PPP1CB: variants seen among roughly 807,000 people sequenced by gnomAD.
PPP1CB encodes protein phosphatase 1 catalytic subunit beta.
PPP1CB carries 2 observed loss-of-function variants against 43.7 expected under a neutral mutation model. The observed-to-expected ratio is 0.05, with a 90% CI of 0.02 to 0.14. PPP1CB has a LOEUF of 0.14. Ranked by LOEUF, PPP1CB falls within the 10% of genes least tolerant of loss-of-function variation. The pLI, the probability that PPP1CB is intolerant of heterozygous loss-of-function variation, is 1.00. For synonymous variants in PPP1CB, 136 were observed against 135.6 expected (o/e 1.00, Z -0.02); for missense variants, 84 against 398.0 (o/e 0.21, Z 6.71).
chr2:28,798,490 G>A (rs1238087403), intron 7 of PPP1CB, among the ~76,000 whole-genome samples: 1 of 151,990 alleles, frequency 6.6e-6, no homozygotes, highest in Non-Finnish European at 1.5e-5. Context: ...TCCATACAAT[G>A]GACTGTACAA....
At chr2:28,773,993 G>A (rs186055284) in intron 1 of PPP1CB, among the ~76,000 whole-genome samples, 1 of 152,284 alleles carries the variant, frequency 6.6e-6, no homozygotes, top group East Asian at 1.9e-4. Context: ...AGGGAGAAAT[G>A]TGCATCCTAC....
chr2:28,755,433 G>A (rs948894969), intron 1 of PPP1CB, among the ~76,000 whole-genome samples: 3 of 152,154 alleles, frequency 2.0e-5, no homozygotes, highest in Non-Finnish European at 4.4e-5. Context: ...TATTTGGACG[G>A]TGCATATTCT....
intron 1 of PPP1CB, among the ~76,000 whole-genome samples, chr2:28,758,090 G>C (rs1666533856): frequency 6.7e-6 from 1 of 150,108 alleles, no homozygotes; most frequent in Admixed American, 6.7e-5. Context: ...CTGTCACCCG[G>C]TTGGAGTGCA....
chr2:28,801,192 T>C lies in PPP1CB; in HGVS notation c.*1889T>C, dbSNP rs551980428. ...TGTATTAGGTTAGGTCACAAAGGTT[T>C]TATCTGAGGTGATTTAAATAACTTC... On this transcript the variant is annotated 3_prime_UTR_variant, in exon 8 of 8. Coordinates refer to ENST00000395366, the MANE Select transcript of PPP1CB (RefSeq NM_002709.3). The C allele has an allele frequency of 2.4e-4, 36 of 152,294 alleles. No homozygotes were observed. Among genetic ancestry groups the C allele is most frequent in the African/African-American group, 8.2e-4 (34 of 41,586 alleles). The allele number at this position is 152,294 out of a possible 1,614,324, so 9.4% of individuals were successfully genotyped here. A position where few individuals can be genotyped will look rare whatever the true frequency, so the allele number is the denominator to read the frequency against.
rs927984977 is a variant in PPP1CB, at chr2:28,751,927, G to A, written c.-198G>A. 5 of 638,878 alleles carry A rather than the reference G, an allele frequency of 7.8e-6. No individual in the cohort carries two copies. The highest frequency in any genetic ancestry group is 8.5e-6 in the Non-Finnish European group (3 of 352,846). The allele number at this position is 638,878 out of a possible 1,614,324, so 39.6% of individuals were successfully genotyped here. On this transcript the variant is annotated 5_prime_UTR_variant, in exon 1 of 8. Coordinates refer to ENST00000395366, the MANE Select transcript of PPP1CB (RefSeq NM_002709.3). ...TCTTGTTTATTTATTTATTTTCCGTGGGTGCCTCCGAGTGTGCGCGCGCTC... is the reference window on the plus strand; with the variant it reads ...TCTTGTTTATTTATTTATTTTCCGTAGGTGCCTCCGAGTGTGCGCGCGCTC...
At chr2:28,784,375 A>C (rs1255307096) in intron 5 of PPP1CB, among the ~76,000 whole-genome samples, 1 of 152,162 alleles carries the variant, frequency 6.6e-6, no homozygotes, top group Non-Finnish European at 1.5e-5. Flanking sequence ...CCTTCTTTTC[A>C]AATGTCTAGT....
intron 1 of PPP1CB, among the ~76,000 whole-genome samples, chr2:28,775,252 C>T (rs1227706919): frequency 6.6e-6 from 1 of 152,076 alleles, no homozygotes; most frequent in Admixed American, 6.6e-5. Context: ...GGACCACAAG[C>T]ATGCACCATC....
chr2:28,788,886 C>A, intron 6 of PPP1CB, 77 bp downstream of exon 6: 1 of 1,363,728 alleles, frequency 7.3e-7, no homozygotes, highest in Non-Finnish European at 9.8e-7. Flanking sequence ...CAGACAGATT[C>A]TTGTTCTGTC....
chr2:28,780,024 C>T (rs1190850026), intron 3 of PPP1CB, among the ~76,000 whole-genome samples: 3 of 151,822 alleles, frequency 2.0e-5, no homozygotes, highest in African/African-American at 7.3e-5. Flanking sequence ...AAGGCTGTAT[C>T]AGGCTTCCAA....
chr2:28,757,921 T>C (rs866589728), intron 1 of PPP1CB, among the ~76,000 whole-genome samples: 10 of 151,826 alleles, frequency 6.6e-5, no homozygotes, highest in Admixed American at 2.6e-4. Flanking sequence ...CAAAGCCACA[T>C]TAAGAGTCAG....
chr2:28,758,213 T>C (rs1005001518), intron 1 of PPP1CB, among the ~76,000 whole-genome samples: 1 of 151,768 alleles, frequency 6.6e-6, no homozygotes, highest in Admixed American at 6.6e-5. Context: ...TTAAAAAAAA[T>C]TGGTAGACAC....
At chr2:28,757,254 AC>A (rs527948791) in intron 1 of PPP1CB, among the ~76,000 whole-genome samples, 60 of 152,326 alleles carry the variant, frequency 3.9e-4, no homozygotes, top group Non-Finnish European at 5.3e-4. Flanking sequence ...GTATGTATAC[AC>A]CACATTTTTA....
chr2:28,781,637 G>A (rs1360252713), intron 3 of PPP1CB, 101 bp from the exon 4 acceptor site: 5 of 814,888 alleles, frequency 6.1e-6, no homozygotes, highest in Non-Finnish European at 9.8e-6. Context: ...TAAACATGAA[G>A]AAATGAAGAA....
chr2:28,753,195 T>C (rs1272853704), intron 1 of PPP1CB, among the ~76,000 whole-genome samples: 1 of 128,044 alleles, frequency 7.8e-6, no homozygotes, highest in Non-Finnish European at 1.8e-5. Context: ...CTTTAATCCT[T>C]TTTAAACAAT....
chr2:28,761,288 C>T (rs553802034), intron 1 of PPP1CB, among the ~76,000 whole-genome samples: 7 of 152,112 alleles, frequency 4.6e-5, no homozygotes, highest in African/African-American at 1.7e-4. Flanking sequence ...TTGTGAATTT[C>T]GGACTCCCAA....
At chr2:28,788,250 C>G (rs1356817145) in intron 5 of PPP1CB, among the ~76,000 whole-genome samples, 1 of 144,522 alleles carries the variant, frequency 6.9e-6, no homozygotes, top group South Asian at 2.3e-4. Flanking sequence ...GTAAAATAGA[C>G]TAACAGAATA....
chr2:28,759,681 G>A (rs543295463), intron 1 of PPP1CB, among the ~76,000 whole-genome samples: 146 of 150,196 alleles, frequency 9.7e-4, no homozygotes, highest in Non-Finnish European at 1.5e-3. Context: ...GCAGTGACGC[G>A]ATCTCAGTTC....
At chr2:28,751,771 A>C, upstream of PPP1CB, 5 of 331,704 alleles carry the variant, frequency 1.5e-5, no homozygotes, top group African/African-American at 2.2e-5. Flanking sequence ...GCGGCGCGCA[A>C]GGGACGTGCG....
intron 1 of PPP1CB, among the ~76,000 whole-genome samples, chr2:28,774,594 T>C (rs1478040528): frequency 6.6e-6 from 1 of 152,058 alleles, no homozygotes; most frequent in Non-Finnish European, 1.5e-5. Context: ...CCCGGCTAAT[T>C]CTTGTATTTT....
Sources: allele counts gnomAD v4.1 joint callset (sites outside exome capture counted in the v4.1 genomes callset), GRCh38; gene constraint gnomAD v4.1.1; transcripts MANE v1.5; gene names NCBI Gene and HGNC (gene_info 2026-07-23, HGNC 2026-07-21).